NALF1: variants seen among roughly 807,000 people sequenced by gnomAD.
The protein encoded by NALF1 is NALCN channel auxiliary factor 1, also known as family with sequence similarity 155 member A.
NALF1 carries 3 observed loss-of-function variants against 48.4 expected under a neutral mutation model. That is an observed-to-expected ratio of 0.06 (90% CI 0.03 to 0.16). The LOEUF (loss-of-function observed/expected upper bound fraction) is 0.16. NALF1 is among the 10% of genes least tolerant of loss of function. The pLI, the probability that NALF1 is intolerant of heterozygous loss-of-function variation, is 1.00. For synonymous variants in NALF1, 262 were observed against 245.7 expected (o/e 1.07, Z -0.62); for missense variants, 526 against 571.5 (o/e 0.92, Z 0.81).
At chr13:107,199,552 C>T (rs1244243923) in intron 2 of NALF1, among the ~76,000 whole-genome samples, 1 of 152,058 alleles carries the variant, frequency 6.6e-6, no homozygotes, top group Non-Finnish European at 1.5e-5. Flanking sequence ...ATTTGGAGAA[C>T]AGGGGATACA....
intron 1 of NALF1, among the ~76,000 whole-genome samples, chr13:107,762,557 G>A (rs1394362020): frequency 6.6e-6 from 1 of 152,172 alleles, no homozygotes; most frequent in Non-Finnish European, 1.5e-5. Context: ...GAAAGACATT[G>A]TGTATGGAGG....
chr13:107,444,413 A>G (rs1183290269), intron 1 of NALF1, among the ~76,000 whole-genome samples: 1 of 152,158 alleles, frequency 6.6e-6, no homozygotes, highest in Non-Finnish European at 1.5e-5. Context: ...GAGCTTTTCT[A>G]TAGGGAAGGG....
intron 1 of NALF1, among the ~76,000 whole-genome samples, chr13:107,579,796 T>C (rs1878253392): frequency 6.6e-6 from 1 of 152,082 alleles, no homozygotes; most frequent in Non-Finnish European, 1.5e-5. Flanking sequence ...TAGCATTAGG[T>C]ATATCTCCCA....
chr13:107,612,128 A>G (rs1459617194), intron 1 of NALF1, among the ~76,000 whole-genome samples: 19 of 18,716 alleles, frequency 1.0e-3, no homozygotes, highest in African/African-American at 1.3e-3. Context: ...GGGGGAGGGG[A>G]GGAGGAGTGG....
chr13:107,792,948 C>G (rs1174617528), intron 1 of NALF1, among the ~76,000 whole-genome samples: 1 of 152,122 alleles, frequency 6.6e-6, no homozygotes, highest in Non-Finnish European at 1.5e-5. Context: ...ACTAGGATTA[C>G]AGGCGTGAAC....
chr13:107,554,482 C>A (rs140514968), intron 1 of NALF1, among the ~76,000 whole-genome samples: 3 of 152,104 alleles, frequency 2.0e-5, no homozygotes, highest in African/African-American at 7.2e-5. Context: ...CAAGGAAAGA[C>A]CCAGGCCAGG....
At chr13:107,650,394 TA>T (rs11330259) in intron 1 of NALF1, among the ~76,000 whole-genome samples, 13,041 of 107,664 alleles carry the variant, frequency 0.12, 1,636 homozygotes, top group African/African-American at 0.33. Context: ...CTGCAACCAT[TA>T]AAAAAAAAAA....
chr13:107,777,064 C>A (rs1877754312), intron 1 of NALF1, among the ~76,000 whole-genome samples: 1 of 152,086 alleles, frequency 6.6e-6, no homozygotes, highest in South Asian at 2.1e-4. Context: ...TGCACTCCAG[C>A]CTGGGTGATG....
At chr13:107,629,739 T>C (rs1303306134) in intron 1 of NALF1, among the ~76,000 whole-genome samples, 1 of 152,192 alleles carries the variant, frequency 6.6e-6, no homozygotes, top group African/African-American at 2.4e-5. Context: ...TAGATATAGA[T>C]AGAAATGTTT....
intron 1 of NALF1, among the ~76,000 whole-genome samples, chr13:107,802,677 T>A (rs564080014): frequency 6.6e-6 from 1 of 152,078 alleles, no homozygotes; most frequent in Non-Finnish European, 1.5e-5. Context: ...TTTTTATATA[T>A]CAGTGTGTAA....
At chr13:107,193,648 C>T (rs56168695) in intron 2 of NALF1, among the ~76,000 whole-genome samples, 3,306 of 152,204 alleles carry the variant, frequency 0.022, 135 homozygotes, top group African/African-American at 0.076. Context: ...CCCTGACTAA[C>T]CCGACCGACC....
At chr13:107,435,591 C>T (rs570135319) in intron 1 of NALF1, among the ~76,000 whole-genome samples, 1 of 152,220 alleles carries the variant, frequency 6.6e-6, no homozygotes, top group East Asian at 1.9e-4. Flanking sequence ...CAGCCAATTC[C>T]TACCTTAAAA....
chr13:107,168,571 C>G lies in NALF1; in HGVS notation c.*1926G>C, dbSNP rs1878717523. 2 of 152,236 alleles carry G rather than the reference C, an allele frequency of 1.3e-5. No homozygotes were observed. Among genetic ancestry groups the G allele is most frequent in the Non-Finnish European group, 2.9e-5 (2 of 68,004 alleles). The allele number at this position is 152,236 out of a possible 1,614,324, so 9.4% of individuals were successfully genotyped here. A position where few individuals can be genotyped will look rare whatever the true frequency, so the allele number is the denominator to read the frequency against. On this transcript the variant is annotated 3_prime_UTR_variant, in exon 3 of 3. Transcript: ENST00000375915. ...TTCTTTTTTTTTGTATTTGCGCAGA[C>G]CATTTTAAGATTTTCAGTCTCAACA...
intron 2 of NALF1, among the ~76,000 whole-genome samples, chr13:107,205,332 G>A (rs1879614788): frequency 6.6e-6 from 1 of 152,078 alleles, no homozygotes; most frequent in Non-Finnish European, 1.5e-5. Flanking sequence ...CAGTTGTGAA[G>A]TCACTCACAA....
At chr13:107,455,993 G>A (rs1176826424) in intron 1 of NALF1, among the ~76,000 whole-genome samples, 2 of 152,058 alleles carry the variant, frequency 1.3e-5, no homozygotes, top group Non-Finnish European at 2.9e-5. Flanking sequence ...TTTGTTTACA[G>A]GTTTTCTTGT....
Position 107,852,375 on chromosome 13 carries a change from C to T in NALF1, c.915+13307G>A, listed in dbSNP as rs554489400. ...TAATAACAGCACTCAAATTAAGAACCGTTTCCACTAAAATTCTATTTTTAA... is the reference window on the plus strand; with the variant it reads ...TAATAACAGCACTCAAATTAAGAACTGTTTCCACTAAAATTCTATTTTTAA... On this transcript the variant is annotated intron_variant, in intron 1 of 2. Coordinates refer to ENST00000375915, the MANE Select transcript of NALF1 (RefSeq NM_001080396.3). 5.9e-5 allele frequency among the ~76,000 whole-genome samples: 9 copies of T among 152,218 alleles called. No homozygotes were observed. The East Asian group carries it at 7.7e-4, about 13-fold the overall frequency.
intron 1 of NALF1, 109 bp from the exon 2 acceptor site, chr13:107,210,864 G>C (rs1285849910): frequency 1.4e-6 from 1 of 696,688 alleles, no homozygotes; most frequent in African/African-American, 1.8e-5. Flanking sequence ...GATCCTAAGA[G>C]AGCCCTCATT....
At chr13:107,498,015 T>C (rs1331168429) in intron 1 of NALF1, among the ~76,000 whole-genome samples, 1 of 151,082 alleles carries the variant, frequency 6.6e-6, no homozygotes, top group Non-Finnish European at 1.5e-5. Flanking sequence ...TAAGTTCTGG[T>C]TTTCATGCCA....
chr13:107,812,010 G>T (rs1879009427), intron 1 of NALF1, among the ~76,000 whole-genome samples: 1 of 152,080 alleles, frequency 6.6e-6, no homozygotes, highest in African/African-American at 2.4e-5. Context: ...ATTTTCATAA[G>T]ACCTAAGAAC....
Sources: gnomAD v4.1 joint callset for allele counts (sites outside exome capture counted in the v4.1 genomes callset) on GRCh38, gnomAD v4.1.1 for gene constraint, MANE v1.5 for transcripts, NCBI Gene and HGNC (gene_info 2026-07-23, HGNC 2026-07-21) for gene names.